TMEM150C: variants seen among roughly 807,000 people sequenced by gnomAD.
TMEM150C encodes the protein transmembrane protein 150C, also known as tentonin 3.
TMEM150C carries 10 observed loss-of-function variants against 29.9 expected under a neutral mutation model. The observed-to-expected ratio is 0.33, with a 90% CI of 0.21 to 0.57. TMEM150C has a LOEUF of 0.57. TMEM150C is among the 20% of genes least tolerant of loss of function. The probability of loss-of-function intolerance (pLI) is 0.88; values close to 1 mark genes in which losing one functional copy is unlikely to be tolerated. For missense variants in TMEM150C, 251 were observed against 303.6 expected, an observed-to-expected ratio of 0.83 and a Z score of 1.29; for synonymous variants, 101 against 112.5, an observed-to-expected ratio of 0.90 and a Z score of 0.64.
intron 1 of TMEM150C, among the ~76,000 whole-genome samples, chr4:82,518,514 C>G (rs1186399592): frequency 6.6e-6 from 1 of 152,158 alleles, no homozygotes; most frequent in Non-Finnish European, 1.5e-5. Flanking sequence ...TGCCAGCTGC[C>G]TTCTTCAGCC....
At chr4:82,543,591 C>T (rs1249339439) in intron 1 of TMEM150C, among the ~76,000 whole-genome samples, 7 of 152,118 alleles carry the variant, frequency 4.6e-5, no homozygotes, top group African/African-American at 1.7e-4. Context: ...TACAAAAGGG[C>T]CTGATCTTGG....
At position 82,507,722 on chromosome 4, in the gene TMEM150C, TCTCTC is replaced by T. The variant is rs1413738312; in HGVS notation, c.-10-3060_-10-3056del. Among the ~76,000 whole-genome samples the T allele has an allele frequency of 5.1e-4, 38 of 75,118 alleles. 1 individual carries two copies. The highest frequency in any genetic ancestry group is 3.1e-3 in the African/African-American group (34 of 11,050). The allele number at this position is 75,118 out of a possible 152,430, so 49.3% of individuals were successfully genotyped here. ...ATATATTAAATTAACTCTCTCTCTC[TCTCTC>T]TTTTTTTTTTTTTTTTTTTTTTTTT... On this transcript the variant is annotated intron_variant, in intron 1 of 7. Transcript: ENST00000449862.
At chr4:82,528,859 A>G (rs1724742963) in intron 1 of TMEM150C, among the ~76,000 whole-genome samples, 1 of 151,892 alleles carries the variant, frequency 6.6e-6, no homozygotes, top group Non-Finnish European at 1.5e-5. Context: ...CTCCCAAAGT[A>G]TCCTTGTCCT....
At chr4:82,511,746 C>T (rs1048487611) in intron 1 of TMEM150C, among the ~76,000 whole-genome samples, 1 of 151,920 alleles carries the variant, frequency 6.6e-6, no homozygotes, top group African/African-American at 2.4e-5. Context: ...GGATTATAGG[C>T]GTGAGCCACT....
intron 1 of TMEM150C, among the ~76,000 whole-genome samples, chr4:82,515,939 T>C (rs1724282765): frequency 6.6e-6 from 1 of 152,032 alleles, no homozygotes; most frequent in Non-Finnish European, 1.5e-5. Flanking sequence ...CAACCCTCTT[T>C]CTGGCCCATA....
intron 1 of TMEM150C, among the ~76,000 whole-genome samples, chr4:82,513,033 T>C (rs1724177840): frequency 6.6e-6 from 1 of 152,222 alleles, no homozygotes; most frequent in Admixed American, 6.5e-5. Context: ...TAAATGTTCC[T>C]GCCTGCCGGC....
chr4:82,490,420 A>C (rs1723299275), intron 6 of TMEM150C, among the ~76,000 whole-genome samples, 182 bp from the exon 7 acceptor site: 1 of 152,254 alleles, frequency 6.6e-6, no homozygotes, highest in African/African-American at 2.4e-5. Flanking sequence ...GAGGGGATGA[A>C]GGAAATAAAT....
At chr4:82,508,444 G>C (rs1285401038) in intron 1 of TMEM150C, among the ~76,000 whole-genome samples, 1 of 151,400 alleles carries the variant, frequency 6.6e-6, no homozygotes, top group Non-Finnish European at 1.5e-5. Flanking sequence ...CACCTGGCTT[G>C]TTGTATCTTT....
chr4:82,518,874 C>G (rs1358654344), intron 1 of TMEM150C, among the ~76,000 whole-genome samples: 2 of 152,172 alleles, frequency 1.3e-5, no homozygotes, highest in Non-Finnish European at 2.9e-5. Flanking sequence ...AGTAGCTCAT[C>G]AGTTATTAGA....
In TMEM150C at chr4:82,536,859, A is replaced by G. The variant is rs1725023627; in HGVS notation, c.-11+25047T>C. On this transcript the variant is annotated intron_variant, in intron 1 of 7. Transcript: ENST00000449862. ...TTCTTCATATATAATGTTAGTATCT[A>G]TAAGAAGAGCACTAATGCATCAAAA... Among the ~76,000 whole-genome samples the G allele has an allele frequency of 6.6e-5, 10 of 152,348 alleles. No individual in the cohort carries two copies. In the South Asian group the frequency reaches 2.1e-3, roughly 32 times the overall value.
At chr4:82,491,197 C>A (rs913278590) in intron 6 of TMEM150C, 1 of 696,256 alleles carries the variant, frequency 1.4e-6, no homozygotes. Flanking sequence ...AAGGTGGTGA[C>A]AGTGTTAACT....
intron 1 of TMEM150C, among the ~76,000 whole-genome samples, chr4:82,532,007 A>T (rs1325690951): frequency 6.6e-6 from 1 of 152,092 alleles, no homozygotes; most frequent in Non-Finnish European, 1.5e-5. Flanking sequence ...TAAGTTGAGA[A>T]AGGGATGGGA....
chr4:82,484,275 G>A lies in TMEM150C; in HGVS notation c.*1236C>T, dbSNP rs1723090961. ...TCATAAGCCCACACCTACGGTCTGA[G>A]TTCTGAACTCTCAGCAGGTGGGAAC... On this transcript the variant is annotated 3_prime_UTR_variant, in exon 8 of 8. Transcript: ENST00000449862. 6.6e-6 allele frequency: 1 copy of A among 152,098 alleles called. No individual in the cohort carries two copies. The highest frequency in any genetic ancestry group is 2.4e-5 in the African/African-American group (1 of 41,398). 9.4% of individuals were successfully genotyped at this position (152,098 alleles called of 1,614,324 possible).
intron 1 of TMEM150C, among the ~76,000 whole-genome samples, chr4:82,541,522 T>C (rs1235042137): frequency 2.0e-5 from 3 of 152,230 alleles, no homozygotes; most frequent in Non-Finnish European, 4.4e-5. Context: ...AACAACATTT[T>C]ATTTCATTAT....
chr4:82,489,915 G>A (rs1444077943), intron 7 of TMEM150C, 146 bp downstream of exon 7: 5 of 723,788 alleles, frequency 6.9e-6, no homozygotes, highest in Admixed American at 6.4e-5. Flanking sequence ...TTGGTCTGAG[G>A]GTTTTTGTTT....
chr4:82,526,899 T>C (rs1371353464), intron 1 of TMEM150C, among the ~76,000 whole-genome samples: 1 of 152,130 alleles, frequency 6.6e-6, no homozygotes, highest in Non-Finnish European at 1.5e-5. Context: ...CGGTTAAGAA[T>C]CATGATTTTG....
chr4:82,496,270 T>C, intron 5 of TMEM150C, 75 bp from the exon 6 acceptor site: 1 of 1,404,618 alleles, frequency 7.1e-7, no homozygotes, highest in Non-Finnish European at 9.7e-7. Context: ...ATTCTATTAT[T>C]ATTATTTTTT....
At chr4:82,495,613 T>C in intron 6 of TMEM150C, 1 of 351,648 alleles carries the variant, frequency 2.8e-6, no homozygotes, top group South Asian at 2.6e-5. Context: ...TCTTTCTTTC[T>C]CCAGCTTTCC....
chr4:82,521,739 CTGAT>C (rs1724492287), intron 1 of TMEM150C, among the ~76,000 whole-genome samples: 1 of 152,142 alleles, frequency 6.6e-6, no homozygotes, highest in Non-Finnish European at 1.5e-5. Context: ...CACAGGGTAA[CTGAT>C]TGAGATGTGA....
Sources: gnomAD v4.1 joint callset for allele counts (sites outside exome capture counted in the v4.1 genomes callset) on GRCh38, gnomAD v4.1.1 for gene constraint, MANE v1.5 for transcripts, NCBI Gene and HGNC (gene_info 2026-07-23, HGNC 2026-07-21) for gene names.